The following PNMA5 variants were observed in gnomAD, a reference collection of about 807,000 sequenced individuals.
The protein encoded by PNMA5 is paraneoplastic antigen-like protein 5.
For synonymous variants in PNMA5, 138 were observed against 137.9 expected (o/e 1.00, Z 0.00); for missense variants, 334 against 356.6 (o/e 0.94, Z 0.51).
At chrX:152,992,940 G>A (rs782809835) in intron 1 of PNMA5, among the ~76,000 whole-genome samples, 154 bp from the exon 2 acceptor site, 1 of 100,242 alleles carries the variant, frequency 1.0e-5, no homozygotes, top group Non-Finnish European at 2.0e-5. Flanking sequence ...GAGCGGAGCG[G>A]GGGGAGGAGT....
intron 1 of PNMA5, among the ~76,000 whole-genome samples, chrX:152,993,374 C>G (rs193032152): frequency 1.1e-3 from 120 of 110,133 alleles, no homozygotes; most frequent in Non-Finnish European, 1.9e-3. Context: ...CCTGCTCCCC[C>G]CAATCCCCAC....
chrX:152,990,153 C>A lies in PNMA5; in HGVS notation c.*99G>T. On this transcript the variant is annotated 3_prime_UTR_variant, in exon 4 of 4. Transcript: ENST00000535214. ...ATCTCGACCTGGCTTCCCTGTCCCT[C>A]TGCCCCAGTCAAGTTCCCTGTTAGT... 1.9e-6 allele frequency: 2 copies of A among 1,037,572 alleles called. No homozygotes were observed. The highest frequency in any genetic ancestry group is 2.5e-6 in the Non-Finnish European group (2 of 807,681). The allele number at this position is 1,037,572 out of a possible 1,213,427, so 85.5% of individuals were successfully genotyped here.
chrX:152,991,017 C>T lies in PNMA5; in HGVS notation c.582G>A (p.Val194=), dbSNP rs781858850. ...TCTCCAGCAAACGCCGCCTCTTCTC[C>T]ACCTCAGACACTTGCCATATGGGCA... The part of the protein sequence containing the change: ...EIMPIWQVSE[V]EKRRRLLESL... Residue 194 remains valine, a synonymous_variant, in exon 4 of 4, where the codon GTG becomes GTA. Transcript: ENST00000535214. The T allele has an allele frequency of 1.7e-6, 2 of 1,204,534 alleles. No homozygotes were observed. Among genetic ancestry groups the T allele is most frequent in the East Asian group, 5.9e-5 (2 of 33,848 alleles).
At chrX:152,993,649 A>G (rs1765992904) in intron 1 of PNMA5, among the ~76,000 whole-genome samples, 1 of 112,282 alleles carries the variant, frequency 8.9e-6, no homozygotes, top group Admixed American at 9.4e-5. Context: ...GGTTCAAGTG[A>G]TTCTCCGGCC....
At position 152,990,369 on chromosome X, in the gene PNMA5, C is replaced by T. The variant is rs1556924152; in HGVS notation, c.1230G>A (p.Thr410=). ...GAGTCTGGTTTTCAGCCTTGGGATA[C>T]GTGGCCTGGCCATGGTCTTCTCCCC... ...STRGEDHGQA[T]YPKAENQTPG... is the part of the protein sequence containing the mutation. The change falls in exon 4 of 4, where the codon ACG becomes ACA. Residue 410 remains threonine, a synonymous_variant. Transcript: ENST00000535214. 5.1e-5 allele frequency: 60 copies of T among 1,171,418 alleles called. No homozygotes were observed. The highest frequency in any genetic ancestry group is 1.3e-4 in the Admixed American group (5 of 37,144).
chrX:152,990,985 C>A lies in PNMA5; in HGVS notation c.614G>T (p.Arg205Leu). The A allele has an allele frequency of 8.3e-7, 1 of 1,198,612 alleles. No homozygotes were observed. The highest frequency in any genetic ancestry group is 1.1e-6 in the Non-Finnish European group (1 of 890,127). ...CCGCATGATTGACAGAGCAGGCCCACGTAAGCTCTCCAGCAAACGCCGCCT... is the reference window on the plus strand; with the variant it reads ...CCGCATGATTGACAGAGCAGGCCCAAGTAAGCTCTCCAGCAAACGCCGCCT... ...EKRRRLLESLRGPALSIMRVL... is the reference protein window; with the variant it reads ...EKRRRLLESLLGPALSIMRVL... Residue 205 changes from arginine (R) to leucine (L), a missense_variant, in exon 4 of 4, where the codon CGT (arginine) becomes CTT (leucine). Arg to Leu is a moderately radical substitution (Grantham distance 102). Coordinates refer to ENST00000535214, the MANE Select transcript of PNMA5 (RefSeq NM_001184924.2).
Position 152,989,142 on chromosome X carries a change from C to A in PNMA5, c.*1110G>T. The A allele has an allele frequency of 8.6e-6, 1 of 116,006 alleles. No homozygotes were observed. 9.6% of individuals were successfully genotyped at this position (116,006 alleles called of 1,213,427 possible). ...GAAAACATAGCAGGGAACACCCCAC[C>A]AAGTTGAGGAAACTGAGTCACGAGT... On this transcript the variant is annotated 3_prime_UTR_variant, in exon 4 of 4. Coordinates refer to ENST00000535214, the MANE Select transcript of PNMA5 (RefSeq NM_001184924.2).
At position 152,991,368 on chromosome X, in the gene PNMA5, A is replaced by G; in HGVS notation, c.231T>C (p.Thr77=). The G allele has an allele frequency of 8.3e-7, 1 of 1,202,433 alleles. No homozygotes were observed. The highest frequency in any genetic ancestry group is 1.1e-6 in the Non-Finnish European group (1 of 891,625). The stretch of plus-strand genomic sequence containing the variant: ...CCTTTCCTGGTATGTGACTGGGCAG[A>G]GTAGTGTAATTGACAGTGTCAGCCA... ...IELADTVNYT[T]LPSHIPGKGG... Residue 77 remains threonine (T), a synonymous_variant, in exon 4 of 4, where the codon ACT becomes ACC. Transcript: ENST00000535214.
Position 152,991,168 on chromosome X carries a change from G to A in PNMA5, c.431C>T (p.Ser144Phe), listed in dbSNP as rs782072627. Residue 144 changes from serine (S) to phenylalanine (F), a missense_variant, in exon 4 of 4, where the codon TCC becomes TTC. Transcript: ENST00000535214. ...LDAEVMPQVR[S>F]PPLEPPKESM... Reference sequence around the variant, plus strand: ...TTCTTTCGGAGGCTCTAAAGGTGGGGATCTAACTTGGGGCATGACCTCTGC... The same window carrying A: ...TTCTTTCGGAGGCTCTAAAGGTGGGAATCTAACTTGGGGCATGACCTCTGC... 8.2e-5 allele frequency: 99 copies of A among 1,205,501 alleles called. 1 individual carries two copies. The highest frequency in any genetic ancestry group is 3.3e-4 in the East Asian group (11 of 33,764).
chrX:152,990,132 C>T lies in PNMA5; in HGVS notation c.*120G>A, dbSNP rs1421781898. ...GGTGGAAAGTAAGGGGGCTTGATCT[C>T]GACCTGGCTTCCCTGTCCCTCTGCC... On this transcript the variant is annotated 3_prime_UTR_variant, in exon 4 of 4. Transcript: ENST00000535214. The T allele has an allele frequency of 5.9e-6, 6 of 1,022,580 alleles. No individual in the cohort carries two copies. The Admixed American group carries it at 1.1e-4, about 19-fold the overall frequency. 84.3% of individuals were successfully genotyped at this position (1,022,580 alleles called of 1,213,427 possible).
chrX:152,993,580 T>C (rs1271737490), intron 1 of PNMA5, among the ~76,000 whole-genome samples: 5 of 111,869 alleles, frequency 4.5e-5, no homozygotes, highest in Admixed American at 2.8e-4. Flanking sequence ...GAGTCTGGCT[T>C]TGTCACCCAG....
Position 152,991,700 on chromosome X carries a change from G to A in PNMA5, c.-102C>T. 1 of 1,046,189 alleles carries A rather than the reference G, an allele frequency of 9.6e-7. No homozygotes were observed. The highest frequency in any genetic ancestry group is 3.3e-5 in the East Asian group (1 of 30,424). The allele number at this position is 1,046,189 out of a possible 1,213,427, so 86.2% of individuals were successfully genotyped here. Reference sequence around the variant, plus strand: ...GCCACTGCCACGTAGGAAGGCAGAAGTGGTCCCAGGTTTCACACAGCCTGC... The same window carrying A: ...GCCACTGCCACGTAGGAAGGCAGAAATGGTCCCAGGTTTCACACAGCCTGC... On this transcript the variant is annotated 5_prime_UTR_variant, in exon 4 of 4. Transcript: ENST00000535214.
chrX:152,992,226 T>A (rs2050914246), intron 2 of PNMA5: 1 of 111,415 alleles, frequency 9.0e-6, no homozygotes, highest in Non-Finnish European at 1.9e-5. Flanking sequence ...GAGTGGTGGG[T>A]GTGGAGATTG....
chrX:152,990,471 G>T lies in PNMA5; in HGVS notation c.1128C>A (p.Asp376Glu), dbSNP rs782517740. 17 of 1,171,377 alleles carry T rather than the reference G, an allele frequency of 1.5e-5. No individual in the cohort carries two copies. Among genetic ancestry groups the T allele is most frequent in the Non-Finnish European group, 1.8e-5 (16 of 878,680 alleles). Reference protein sequence around the residue: ...QATVQARSFSDSSPQTIQGGL... With the variant: ...QATVQARSFSESSPQTIQGGL... ...CTCCCTGTATGGTCTGGGGGCTGCT[G>T]TCGCTAAAAGACCTTGCCTGCACGG... Residue 376 changes from aspartate to glutamate, a missense_variant, in exon 4 of 4, where the codon GAC (aspartate) becomes GAA (glutamate). Coordinates refer to ENST00000535214, the MANE Select transcript of PNMA5 (RefSeq NM_001184924.2).
At position 152,990,449 on chromosome X, in the gene PNMA5, C is replaced by T. The variant is rs782805458; in HGVS notation, c.1150G>A (p.Gly384Arg). The T allele has an allele frequency of 3.4e-6, 4 of 1,165,718 alleles. No homozygotes were observed. The highest frequency in any genetic ancestry group is 2.3e-6 in the Non-Finnish European group (2 of 875,631). The part of the protein sequence containing the change: ...FSDSSPQTIQ[G>R]GLPPLVKRRR... ...CGTTTCACTAATGGGGGTAAGCCTC[C>T]CTGTATGGTCTGGGGGCTGCTGTCG... Residue 384 changes from glycine to arginine, a missense_variant, in exon 4 of 4, where the codon GGA (glycine) becomes AGA (arginine). By Grantham distance (125) the Gly-to-Arg change is moderately radical. Coordinates refer to ENST00000535214, the MANE Select transcript of PNMA5 (RefSeq NM_001184924.2).
intron 1 of PNMA5, among the ~76,000 whole-genome samples, chrX:152,993,368 C>T (rs112708398): frequency 0.21 from 22,267 of 107,776 alleles, 1,999 homozygotes; most frequent in South Asian, 0.3. Context: ...CATTCCCCTG[C>T]TCCCCCCAAT....
intron 1 of PNMA5, among the ~76,000 whole-genome samples, chrX:152,993,016 G>T (rs1240867528): frequency 8.7e-5 from 9 of 103,466 alleles, no homozygotes; most frequent in Non-Finnish European, 1.8e-4. Context: ...CAGGGGGGCT[G>T]CTGGTAGGGC....
rs782182073 is a variant in PNMA5 at position 152,991,234 on chromosome X, C to T, written c.365G>A (p.Arg122Lys). 7 of 1,196,935 alleles carry T rather than the reference C, an allele frequency of 5.8e-6. No homozygotes were observed. The highest frequency in any genetic ancestry group is 5.6e-6 in the Non-Finnish European group (5 of 888,758). ...AGGGAGGCTGCAACATCCCAGGGCT[C>T]TGGCCACATCTGTCATACTTCGGCC... ...DEGRSMTDVA[R>K]ALGCCSLPAE... is the part of the protein sequence containing the mutation. Residue 122 changes from arginine to lysine, a missense_variant, in exon 4 of 4, where the codon AGA becomes AAA. Arg to Lys is a conservative substitution (Grantham distance 26). Coordinates refer to ENST00000535214, the MANE Select transcript of PNMA5 (RefSeq NM_001184924.2).
At chrX:152,991,746 A>C in intron 3 of PNMA5, 25 bp from the exon 4 acceptor site, 1 of 829,905 alleles carries the variant, frequency 1.2e-6, no homozygotes, top group Non-Finnish European at 1.6e-6. Context: ...GGATGAGAGC[A>C]TTGTTAATGC....
Sources: allele counts gnomAD v4.1 joint callset (sites outside exome capture counted in the v4.1 genomes callset), GRCh38; gene constraint gnomAD v4.1.1; transcripts MANE v1.5; gene names NCBI Gene and HGNC (gene_info 2026-07-23, HGNC 2026-07-21).